Variants in HIBADH observed in about 807,000 individuals in gnomAD.
The protein encoded by HIBADH is 3-hydroxyisobutyrate dehydrogenase, also known as 3-hydroxyisobutyrate dehydrogenase, mitochondrial.
Under a neutral mutation model 36.1 loss-of-function variants are expected in HIBADH, and 25 were observed. That is an observed-to-expected ratio of 0.69 (90% CI 0.50 to 0.97). The LOEUF (loss-of-function observed/expected upper bound fraction) is 0.97. Ranked by LOEUF, HIBADH falls within the 50% of genes least tolerant of loss-of-function variation. The probability of loss-of-function intolerance (pLI) is 0.00; values close to 1 mark genes in which losing one functional copy is unlikely to be tolerated. For synonymous variants in HIBADH, 160 were observed against 149.5 expected, an observed-to-expected ratio of 1.07 and a Z score of -0.51; for missense variants, 421 against 418.0, an observed-to-expected ratio of 1.01 and a Z score of -0.06.
At chr7:27,592,670 T>A (rs1453858637) in intron 4 of HIBADH, among the ~76,000 whole-genome samples, 1 of 152,144 alleles carries the variant, frequency 6.6e-6, no homozygotes, top group Admixed American at 6.5e-5. Flanking sequence ...TAGCTCAAGC[T>A]ACCATCCGTG....
At chr7:27,640,555 T>C (rs1180100335) in intron 2 of HIBADH, among the ~76,000 whole-genome samples, 1 of 152,122 alleles carries the variant, frequency 6.6e-6, no homozygotes, top group African/African-American at 2.4e-5. Flanking sequence ...ACAAAATCAC[T>C]TGTAACATCT....
chr7:27,580,436 A>T (rs553050476), intron 4 of HIBADH, among the ~76,000 whole-genome samples: 1 of 152,352 alleles, frequency 6.6e-6, no homozygotes, highest in African/African-American at 2.4e-5. Flanking sequence ...GATAACTAGG[A>T]CTGTGTGCAT....
At chr7:27,645,264 T>C (rs12672811) in intron 2 of HIBADH, among the ~76,000 whole-genome samples, 115,034 of 151,828 alleles carry the variant, frequency 0.76, 44,006 homozygotes, top group East Asian at 0.94. Context: ...CATTTTACAT[T>C]TCCACTAGCA....
At chr7:27,641,701 A>G (rs73075112) in intron 2 of HIBADH, among the ~76,000 whole-genome samples, 14,334 of 152,280 alleles carry the variant, frequency 0.094, 935 homozygotes, top group Non-Finnish European at 0.14. Context: ...GCTCTTAGGA[A>G]ATCACACTTG....
chr7:27,602,690 T>TA (rs201566375), intron 4 of HIBADH, among the ~76,000 whole-genome samples: 1 of 152,148 alleles, frequency 6.6e-6, no homozygotes, highest in South Asian at 2.1e-4. Flanking sequence ...CGTCAGTCTT[T>TA]AAAAAAAATT....
chr7:27,586,744 G>A (rs571394661), intron 4 of HIBADH, among the ~76,000 whole-genome samples: 1 of 152,216 alleles, frequency 6.6e-6, no homozygotes, highest in African/African-American at 2.4e-5. Context: ...TAGCTTTGTG[G>A]TTCCAACAGT....
At chr7:27,658,709 A>G (rs1425146028) in intron 1 of HIBADH, among the ~76,000 whole-genome samples, 1 of 152,160 alleles carries the variant, frequency 6.6e-6, no homozygotes, top group African/African-American at 2.4e-5. Flanking sequence ...ATGGACTTTC[A>G]GTCTTTTGAC....
chr7:27,568,860 A>C (rs1784585177), intron 4 of HIBADH, among the ~76,000 whole-genome samples: 1 of 148,806 alleles, frequency 6.7e-6, no homozygotes, highest in South Asian at 2.1e-4. Context: ...AGCTTCTTAA[A>C]CCTCTAAGTT....
intron 2 of HIBADH, among the ~76,000 whole-genome samples, chr7:27,641,426 G>T (rs978180819): frequency 3.3e-5 from 5 of 152,148 alleles, no homozygotes; most frequent in African/African-American, 9.7e-5. Flanking sequence ...CCTTAAAAAT[G>T]TATGAGTCAA....
intron 2 of HIBADH, among the ~76,000 whole-genome samples, chr7:27,640,795 T>G (rs1207440002): frequency 1.2e-4 from 19 of 152,226 alleles, no homozygotes; most frequent in Admixed American, 1.2e-3. Flanking sequence ...GCAACGTTAA[T>G]GTACTGAATA....
At chr7:27,581,175 C>A (rs930577064) in intron 4 of HIBADH, among the ~76,000 whole-genome samples, 3 of 152,094 alleles carry the variant, frequency 2.0e-5, no homozygotes, top group Non-Finnish European at 2.9e-5. Context: ...GATTAGTGAT[C>A]ATTAATTTAA....
rs569126939 is a variant in HIBADH, at chr7:27,629,094, A to AT, written c.484+276dup. 2.6e-3 allele frequency among the ~76,000 whole-genome samples: 391 copies of AT among 152,132 alleles called. 2 individuals are homozygous for AT. The highest frequency in any genetic ancestry group is 8.9e-3 in the African/African-American group (371 of 41,546). On this transcript the variant is annotated intron_variant, in intron 4 of 7. Transcript: ENST00000265395. ...TTTTTTTTCAATAGTTCCAAAAAAA[A>AT]TTTTCTAAAAACTGATGTATTCCTA...
At chr7:27,637,299 G>C (rs1785857187) in intron 2 of HIBADH, among the ~76,000 whole-genome samples, 1 of 152,142 alleles carries the variant, frequency 6.6e-6, no homozygotes, top group Non-Finnish European at 1.5e-5. Context: ...AGACAGTTTG[G>C]TTCCGGGGTT....
At chr7:27,612,263 T>G (rs1418645358) in intron 4 of HIBADH, among the ~76,000 whole-genome samples, 2 of 152,158 alleles carry the variant, frequency 1.3e-5, no homozygotes, top group Admixed American at 6.5e-5. Flanking sequence ...ACAAGATATT[T>G]TGTTGAAGAA....
chr7:27,611,788 G>A (rs1340524605), intron 4 of HIBADH, among the ~76,000 whole-genome samples: 1 of 152,146 alleles, frequency 6.6e-6, no homozygotes, highest in Non-Finnish European at 1.5e-5. Context: ...GCTAAGTCTG[G>A]TGATACAAAG....
At chr7:27,645,377 T>TGTTTGTTTGTTTGTTTTG (rs1277398828) in intron 2 of HIBADH, among the ~76,000 whole-genome samples, 1 of 125,916 alleles carries the variant, frequency 7.9e-6, no homozygotes, top group African/African-American at 3.2e-5. Context: ...GATTTTTTTT[T>TGTTTGTTTGTTTGTTTTG]TTTTTTTTTT....
chr7:27,554,860 C>G (rs980980457), intron 4 of HIBADH, among the ~76,000 whole-genome samples: 21 of 152,270 alleles, frequency 1.4e-4, no homozygotes, highest in African/African-American at 4.6e-4. Context: ...TGTGGACTCT[C>G]ATATTTTGGG....
intron 3 of HIBADH, among the ~76,000 whole-genome samples, chr7:27,630,703 C>T (rs1785732360): frequency 6.6e-6 from 1 of 151,778 alleles, no homozygotes; most frequent in Admixed American, 6.6e-5. Context: ...AGGTTGGAGA[C>T]CAGACTAGGC....
chr7:27,564,345 TA>T (rs1296769242), intron 4 of HIBADH, among the ~76,000 whole-genome samples: 11 of 152,248 alleles, frequency 7.2e-5, no homozygotes, highest in African/African-American at 2.7e-4. Flanking sequence ...CATTTTGAGT[TA>T]TTTTTTATAT....
Sources: allele counts gnomAD v4.1 joint callset (sites outside exome capture counted in the v4.1 genomes callset), GRCh38; gene constraint gnomAD v4.1.1; transcripts MANE v1.5; gene names NCBI Gene and HGNC (gene_info 2026-07-23, HGNC 2026-07-21).